The following C16orf89 variants were observed in gnomAD, a reference collection of about 807,000 sequenced individuals.
C16orf89 encodes UPF0764 protein C16orf89.
C16orf89 carries 57 observed loss-of-function variants against 41.5 expected under a neutral mutation model. The observed-to-expected ratio is 1.38, with a 90% CI of 1.11 to 1.71. The LOEUF is 1.71. Ranked by LOEUF, C16orf89 falls within the 40% of genes most tolerant of loss-of-function variation. The pLI is 0.00. For synonymous variants in C16orf89, 223 were observed against 190.6 expected (o/e 1.17, Z -1.40); for missense variants, 575 against 445.9 (o/e 1.29, Z -2.61).
In C16orf89 at chr16:5,047,885, T is replaced by C; in HGVS notation, c.948A>G (p.Gln316=). 1 of 1,567,876 alleles carries C rather than the reference T, an allele frequency of 6.4e-7. No homozygotes were observed. The change falls in exon 7 of 8, where the codon CAA becomes CAG. Residue 316 remains glutamine (Q), a synonymous_variant. Coordinates refer to ENST00000472572, the MANE Select transcript of C16orf89 (RefSeq NM_001098514.3). ...CTTGGGTATTTTCATTACCTGGAAA[T>C]TGTTTTTCTCGCCTCTTCACTCTCC... is the stretch of plus-strand genomic sequence containing the variant. ...FSRRVKRREK[Q]FPDGCSSHNT...
intron 1 of C16orf89, among the ~76,000 whole-genome samples, chr16:5,064,119 C>T (rs113776433): frequency 0.028 from 4,219 of 151,536 alleles, 190 homozygotes; most frequent in African/African-American, 0.094. Flanking sequence ...AGCGAGACTC[C>T]GTCTCAAAAT....
Position 5,044,822 on chromosome 16 carries a change from C to G in C16orf89, c.956-344G>C, listed in dbSNP as rs745873540. The G allele has an allele frequency of 1.7e-4, 212 of 1,231,904 alleles. 1 individual carries two copies. The highest frequency in any genetic ancestry group is 2.9e-4 in the Admixed American group (9 of 31,444). The allele number at this position is 1,231,904 out of a possible 1,614,324, so 76.3% of individuals were successfully genotyped here. A position where few individuals can be genotyped will look rare whatever the true frequency, so the allele number is the denominator to read the frequency against. ...TTGCGCCACTGTACTCCAGCCTGAGCAACAGAGCGAGAATCTGTCTCAAAA... is the reference window on the plus strand; with the variant it reads ...TTGCGCCACTGTACTCCAGCCTGAGGAACAGAGCGAGAATCTGTCTCAAAA... On this transcript the variant is annotated intron_variant, in intron 7 of 7. Transcript: ENST00000472572.
chr16:5,045,949 C>T (rs900885973), intron 7 of C16orf89, among the ~76,000 whole-genome samples: 12 of 152,158 alleles, frequency 7.9e-5, no homozygotes, highest in African/African-American at 2.9e-4. Context: ...GTGGCTTCCG[C>T]TCCAGTCCCT....
At chr16:5,055,587 G>T in intron 5 of C16orf89, 3 of 1,267,994 alleles carry the variant, frequency 2.4e-6, no homozygotes, top group Non-Finnish European at 2.2e-6. Context: ...CCAAAGTCAG[G>T]ATCAGTGGAG....
Position 5,046,138 on chromosome 16 carries a change from G to T in C16orf89, c.956-1660C>A, listed in dbSNP as rs1049455798. Among the ~76,000 whole-genome samples the T allele has an allele frequency of 6.6e-5, 10 of 152,146 alleles. 1 individual carries two copies. In the South Asian group the frequency reaches 1.9e-3, roughly 28 times the overall value. On this transcript the variant is annotated intron_variant, in intron 7 of 7. Coordinates refer to ENST00000472572, the MANE Select transcript of C16orf89 (RefSeq NM_001098514.3). ...CCCTTCTCCTGCGTGACTTTTGGTG[G>T]CAGCTACGAAACTGACTCACTGGAT...
At chr16:5,045,165 C>T (rs1214703347) in intron 7 of C16orf89, among the ~76,000 whole-genome samples, 2 of 152,232 alleles carry the variant, frequency 1.3e-5, no homozygotes, top group African/African-American at 2.4e-5. Context: ...CCCTGACTTA[C>T]GTACCTCAAT....
chr16:5,055,426 G>A, intron 5 of C16orf89, 76 bp from the exon 6 acceptor site: 1 of 1,337,688 alleles, frequency 7.5e-7, no homozygotes, highest in Non-Finnish European at 1.0e-6. Context: ...GGCTGCCACG[G>A]TGCCACCTGC....
At chr16:5,052,639 A>C (rs1428045442) in intron 6 of C16orf89, among the ~76,000 whole-genome samples, 1 of 152,198 alleles carries the variant, frequency 6.6e-6, no homozygotes, top group African/African-American at 2.4e-5. Context: ...AAATGCTGGC[A>C]AAGATGAAGA....
intron 7 of C16orf89, chr16:5,044,830 C>A (rs373079944): frequency 1.6e-6 from 2 of 1,238,682 alleles, no homozygotes; most frequent in Non-Finnish European, 2.1e-6. Flanking sequence ...AGCAACAGAG[C>A]GAGAATCTGT....
intron 1 of C16orf89, among the ~76,000 whole-genome samples, chr16:5,063,796 C>A (rs1256199022): frequency 6.6e-6 from 1 of 152,112 alleles, no homozygotes; most frequent in Non-Finnish European, 1.5e-5. Flanking sequence ...TACATTGTGG[C>A]GAGTTGTATA....
At chr16:5,061,938 C>T (rs1010144868) in intron 2 of C16orf89, among the ~76,000 whole-genome samples, 1 of 152,138 alleles carries the variant, frequency 6.6e-6, no homozygotes, top group African/African-American at 2.4e-5. Flanking sequence ...GAGAGAGACT[C>T]TCAGTGGTCA....
At position 5,055,938 on chromosome 16, in the gene C16orf89, C is replaced by CGTGTGTGTGTGTGTGTGTGT. The variant is rs531301214; in HGVS notation, c.763+95_763+114dup. 2.1e-5 allele frequency: 19 copies of CGTGTGTGTGTGTGTGTGTGT among 908,446 alleles called. No homozygotes were observed. In the East Asian group the frequency reaches 2.3e-4, roughly 11 times the overall value. The allele number at this position is 908,446 out of a possible 1,614,324, so 56.3% of individuals were successfully genotyped here. A position where few individuals can be genotyped will look rare whatever the true frequency, so the allele number is the denominator to read the frequency against. The stretch of plus-strand genomic sequence containing the variant: ...TTTTACTTGCTTAATCTGGCAACTC[C>CGTGTGTGTGTGTGTGTGTGT]GTGTGTGTGTGTGTGTGTGTGTGTG... On this transcript the variant is annotated intron_variant, in intron 5 of 7. Transcript: ENST00000472572.
At chr16:5,044,644 C>T in intron 7 of C16orf89, 166 bp from the exon 8 acceptor site, 1 of 1,325,178 alleles carries the variant, frequency 7.5e-7, no homozygotes, top group Non-Finnish European at 1.0e-6. Context: ...GAGTTCGAGA[C>T]CAGCATGAGC....
At chr16:5,044,576 C>G (rs758630776) in intron 7 of C16orf89, 98 bp from the exon 8 acceptor site, 1 of 1,547,788 alleles carries the variant, frequency 6.5e-7, no homozygotes. Flanking sequence ...GACGCGGTGG[C>G]TCACACCTAT....
chr16:5,054,839 T>A (rs1403738524), intron 6 of C16orf89, among the ~76,000 whole-genome samples: 3 of 152,214 alleles, frequency 2.0e-5, no homozygotes, highest in African/African-American at 7.2e-5. Flanking sequence ...TTCTCTCTTG[T>A]CTGCCACTAT....
At chr16:5,051,789 A>G (rs1956401119) in intron 6 of C16orf89, among the ~76,000 whole-genome samples, 1 of 152,236 alleles carries the variant, frequency 6.6e-6, no homozygotes, top group South Asian at 2.1e-4. Context: ...ACTTCAAAAT[A>G]TGCTTCAAGG....
At chr16:5,054,247 A>G (rs931753536) in intron 6 of C16orf89, among the ~76,000 whole-genome samples, 4 of 152,198 alleles carry the variant, frequency 2.6e-5, no homozygotes, top group Non-Finnish European at 5.9e-5. Context: ...CTTGCAGCTC[A>G]GGAAGGTGGG....
chr16:5,057,989 C>A (rs17137555), intron 4 of C16orf89, among the ~76,000 whole-genome samples: 22,838 of 152,034 alleles, frequency 0.15, 1,887 homozygotes, highest in East Asian at 0.3. Flanking sequence ...GATCCCAAAT[C>A]GGCTCAATTA....
rs765355947 is a variant in C16orf89 at position 5,056,186 on chromosome 16, C to G, written c.630G>C (p.Arg210Ser). 4.4e-6 allele frequency: 7 copies of G among 1,584,040 alleles called. No individual in the cohort carries two copies. The highest frequency in any genetic ancestry group is 3.4e-5 in the Admixed American group (2 of 59,366). ...GTTGGAGTGGTCCCTGTGTGCACCCCCTCTGGGGAGACAAACACCCAAAGA... is the reference window on the plus strand; with the variant it reads ...GTTGGAGTGGTCCCTGTGTGCACCCGCTCTGGGGAGACAAACACCCAAAGA... ...QLLFFLWARM[R>S]GCTQGPLQQS... The change falls in exon 5 of 8, where the codon AGG becomes AGC. Residue 210 changes from arginine (R) to serine (S), a missense_variant and splice_region_variant. By Grantham distance (110) the Arg-to-Ser change is moderately radical. Coordinates refer to ENST00000472572, the MANE Select transcript of C16orf89 (RefSeq NM_001098514.3).
Sources: allele counts gnomAD v4.1 joint callset (sites outside exome capture counted in the v4.1 genomes callset), GRCh38; gene constraint gnomAD v4.1.1; transcripts MANE v1.5; gene names NCBI Gene and HGNC (gene_info 2026-07-23, HGNC 2026-07-21).